TLN2: variants seen among roughly 807,000 people sequenced by gnomAD.
TLN2 encodes talin-2.
In TLN2, 118 loss-of-function variants were observed where a neutral mutation model predicts 294.7. The observed-to-expected ratio is 0.40, with a 90% CI of 0.34 to 0.47. The LOEUF (loss-of-function observed/expected upper bound fraction) is 0.47. Among genes scored for constraint, TLN2 ranks in the 20% least tolerant of loss-of-function variants. TLN2 has a pLI of 0.84. For missense variants in TLN2, 3,083 were observed against 3,282.2 expected, an observed-to-expected ratio of 0.94 and a Z score of 1.48; for synonymous variants, 1,431 against 1,304.5, an observed-to-expected ratio of 1.10 and a Z score of -2.09.
rs143651923 is a variant in TLN2 at position 62,549,840 on chromosome 15, C to T, written c.-237-39847C>T. On this transcript the variant is annotated intron_variant, in intron 1 of 58. Coordinates refer to ENST00000636159, the MANE Select transcript of TLN2 (RefSeq NM_015059.3). ...AAATGAATCAAGGCCACAATGATGTCATTTCCAGGAAGCCACAGGTGTTGT... is the reference window on the plus strand; with the variant it reads ...AAATGAATCAAGGCCACAATGATGTTATTTCCAGGAAGCCACAGGTGTTGT... Among the ~76,000 whole-genome samples the T allele has an allele frequency of 8.7e-4, 132 of 152,280 alleles. 1 individual carries two copies. Among genetic ancestry groups the T allele is most frequent in the African/African-American group, 3.0e-3 (124 of 41,528 alleles).
At chr15:62,469,476 C>A (rs1257798191) in intron 1 of TLN2, among the ~76,000 whole-genome samples, 1 of 152,208 alleles carries the variant, frequency 6.6e-6, no homozygotes, top group African/African-American at 2.4e-5. Flanking sequence ...TTTTGAAGTC[C>A]CAAGCTTTTT....
At chr15:62,805,861 AG>A in intron 51 of TLN2, 76 bp downstream of exon 51, 1 of 1,494,762 alleles carries the variant, frequency 6.7e-7, no homozygotes, top group Non-Finnish European at 9.0e-7. Flanking sequence ...AGTCTGAAAA[AG>A]GGGAGGGGCT....
chr15:62,553,389 G>A (rs2042430863), intron 1 of TLN2, among the ~76,000 whole-genome samples: 1 of 152,100 alleles, frequency 6.6e-6, no homozygotes, highest in African/African-American at 2.4e-5. Flanking sequence ...GGAGGCTGAG[G>A]CAGGAGAATC....
intron 9 of TLN2, among the ~76,000 whole-genome samples, chr15:62,667,851 T>C (rs2054901601): frequency 6.6e-6 from 1 of 152,220 alleles, no homozygotes; most frequent in African/African-American, 2.4e-5. Context: ...GTACACACAG[T>C]GAAATAATAT....
Position 62,797,224 on chromosome 15 carries a change from A to G in TLN2, c.6056A>G (p.Asn2019Ser). ...NSETFADHRENILKTAKALVE... is the reference protein window; with the variant it reads ...NSETFADHRESILKTAKALVE... ...TGCCCTCCTGGCTCTCTCAGGGAGA[A>G]CATTCTCAAGACGGCCAAGGCCTTG... The change falls in exon 48 of 59, where the codon AAC (asparagine) becomes AGC (serine). Residue 2019 changes from asparagine (N) to serine (S), a missense_variant. Physicochemically the swap from Asn to Ser is conservative, Grantham distance 46. Coordinates refer to ENST00000636159, the MANE Select transcript of TLN2 (RefSeq NM_015059.3). 6.2e-7 allele frequency: 1 copy of G among 1,614,082 alleles called. No homozygotes were observed. Among genetic ancestry groups the G allele is most frequent in the Non-Finnish European group, 8.5e-7 (1 of 1,180,024 alleles).
chr15:62,825,611 A>C (rs1029814805), intron 54 of TLN2, among the ~76,000 whole-genome samples: 2 of 148,552 alleles, frequency 1.3e-5, no homozygotes, highest in African/African-American at 2.5e-5. Context: ...GCAGTTTGGG[A>C]GGCCAAGGTG....
chr15:62,451,427 C>T (rs1472063418), intron 1 of TLN2, among the ~76,000 whole-genome samples: 2 of 152,204 alleles, frequency 1.3e-5, no homozygotes, highest in East Asian at 1.9e-4. Context: ...GAGGCCGAGG[C>T]GGGTGAATCA....
At chr15:62,603,546 A>G (rs998985241) in intron 2 of TLN2, among the ~76,000 whole-genome samples, 11 of 152,118 alleles carry the variant, frequency 7.2e-5, no homozygotes, top group Admixed American at 2.6e-4. Flanking sequence ...ACATTTGGGT[A>G]GTTTCCATCT....
rs547585806 is a variant in TLN2, at chr15:62,567,909, G to A, written c.-237-21778G>A. 6.6e-5 allele frequency among the ~76,000 whole-genome samples: 10 copies of A among 152,148 alleles called. No homozygotes were observed. The South Asian group carries it at 8.3e-4, about 13-fold the overall frequency. On this transcript the variant is annotated intron_variant, in intron 1 of 58. Coordinates refer to ENST00000636159, the MANE Select transcript of TLN2 (RefSeq NM_015059.3). ...AGGCTTGTGGCACATCATGAACTTC[G>A]GCCAGGCATGCTAAAGATGATGCCT...
At chr15:62,398,250 G>A (rs2032725603) in intron 1 of TLN2, among the ~76,000 whole-genome samples, 1 of 152,124 alleles carries the variant, frequency 6.6e-6, no homozygotes, top group Non-Finnish European at 1.5e-5. Flanking sequence ...CCCTTTGCTT[G>A]GCACTTCTCT....
chr15:62,621,700 T>G (rs1448256332), intron 3 of TLN2, among the ~76,000 whole-genome samples: 1 of 152,240 alleles, frequency 6.6e-6, no homozygotes, highest in Non-Finnish European at 1.5e-5. Flanking sequence ...CCTAGATTTC[T>G]TGGAACAGGG....
chr15:62,510,440 T>G (rs991801913), intron 1 of TLN2, among the ~76,000 whole-genome samples: 1 of 152,192 alleles, frequency 6.6e-6, no homozygotes, highest in African/African-American at 2.4e-5. Context: ...TTGAGATAAT[T>G]TAGATGATGA....
chr15:62,762,010 A>G (rs966464574), intron 38 of TLN2, among the ~76,000 whole-genome samples, 189 bp downstream of exon 38: 3 of 152,178 alleles, frequency 2.0e-5, no homozygotes, highest in African/African-American at 7.2e-5. Flanking sequence ...GATAACATAT[A>G]TGTAGAGAAC....
intron 1 of TLN2, among the ~76,000 whole-genome samples, chr15:62,550,783 A>C (rs1020272975): frequency 6.6e-6 from 1 of 152,160 alleles, no homozygotes; most frequent in African/African-American, 2.4e-5. Flanking sequence ...TCCCCATCTC[A>C]TGGATGGTGT....
intron 1 of TLN2, among the ~76,000 whole-genome samples, chr15:62,513,924 TTAGTC>T (rs905690021): frequency 1.2e-4 from 19 of 152,360 alleles, no homozygotes; most frequent in African/African-American, 4.6e-4. Context: ...ATTTCTGTCT[TTAGTC>T]TAGGGCGGAG....
intron 1 of TLN2, among the ~76,000 whole-genome samples, chr15:62,506,641 A>T (rs186620569): frequency 2.0e-5 from 3 of 152,308 alleles, no homozygotes; most frequent in African/African-American, 7.2e-5. Flanking sequence ...AACAAGCAAC[A>T]TTGTCTTCTG....
At chr15:62,740,832 G>A (rs2061283452) in intron 32 of TLN2, 63 bp downstream of exon 32, 2 of 1,598,368 alleles carry the variant, frequency 1.3e-6, no homozygotes, top group East Asian at 2.2e-5. Context: ...GTCTGAAGAT[G>A]TGCCTGACAT....
At chr15:62,612,992 AACTG>A (rs1322556041) in intron 2 of TLN2, among the ~76,000 whole-genome samples, 1 of 152,216 alleles carries the variant, frequency 6.6e-6, no homozygotes, top group Non-Finnish European at 1.5e-5. Flanking sequence ...AGGAATGTAT[AACTG>A]GTAGCAGGGG....
chr15:62,718,150 T>C (rs1232041517), intron 24 of TLN2, among the ~76,000 whole-genome samples: 2 of 152,206 alleles, frequency 1.3e-5, no homozygotes, highest in African/African-American at 4.8e-5. Flanking sequence ...CTTTTTGTTG[T>C]TGCTCTTTTG....
Sources: gnomAD v4.1 joint callset for allele counts (sites outside exome capture counted in the v4.1 genomes callset) on GRCh38, gnomAD v4.1.1 for gene constraint, MANE v1.5 for transcripts, NCBI Gene and HGNC (gene_info 2026-07-23, HGNC 2026-07-21) for gene names.